Variants in HDX observed in about 807,000 individuals in gnomAD.
HDX encodes the protein highly divergent homeobox, also known as chromosome X open reading frame 43.
Under a neutral mutation model 45.2 loss-of-function variants are expected in HDX, and 19 were observed. The ratio of observed to expected loss-of-function variants is 0.42; its 90% CI spans 0.29 to 0.62. The LOEUF is 0.62. Ranked by LOEUF, HDX falls within the 20% of genes least tolerant of loss-of-function variation. The pLI is 0.20. For synonymous variants in HDX, 188 were observed against 172.8 expected, an observed-to-expected ratio of 1.09 and a Z score of -0.69; for missense variants, 532 against 493.9, an observed-to-expected ratio of 1.08 and a Z score of -0.73.
At chrX:84,497,628 A>G (rs2041029271) in intron 1 of HDX, among the ~76,000 whole-genome samples, 1 of 110,649 alleles carries the variant, frequency 9.0e-6, no homozygotes, top group African/African-American at 3.3e-5. Context: ...AAAGGAAAAT[A>G]TTACAGGTAT....
At chrX:84,469,692 T>A in intron 3 of HDX, 117 bp from the exon 4 acceptor site, 1 of 597,695 alleles carries the variant, frequency 1.7e-6, no homozygotes, top group Non-Finnish European at 2.4e-6. Flanking sequence ...TACATAAAGG[T>A]AAAAGAAAAA....
intron 4 of HDX, among the ~76,000 whole-genome samples, chrX:84,455,275 A>G (rs2040089629): frequency 8.9e-6 from 1 of 112,054 alleles, no homozygotes; most frequent in Non-Finnish European, 1.9e-5. Flanking sequence ...CTTTCACACT[A>G]AGAATTCAAA....
intron 1 of HDX, among the ~76,000 whole-genome samples, chrX:84,494,043 A>C: frequency 9.0e-6 from 1 of 111,466 alleles, no homozygotes. Context: ...AAAAAGTAAA[A>C]AGATCAATTT....
At chrX:84,490,015 T>C (rs1170410804) in intron 1 of HDX, among the ~76,000 whole-genome samples, 1 of 112,272 alleles carries the variant, frequency 8.9e-6, no homozygotes, top group Non-Finnish European at 1.9e-5. Flanking sequence ...CAATTAATTT[T>C]AGTAATTTCC....
chrX:84,418,575 T>C (rs1163015716), intron 5 of HDX, among the ~76,000 whole-genome samples: 1 of 110,723 alleles, frequency 9.0e-6, no homozygotes, highest in African/African-American at 3.3e-5. Flanking sequence ...ACAGATTTGA[T>C]CAGGCAGAAA....
At chrX:84,360,914 C>A (rs187591937) in intron 6 of HDX, among the ~76,000 whole-genome samples, 83 of 111,326 alleles carry the variant, frequency 7.5e-4, no homozygotes, top group Non-Finnish European at 1.4e-3. Flanking sequence ...ATTTTTTATT[C>A]TTTTGAGTAG....
At chrX:84,475,758 C>T (rs1030325533) in intron 2 of HDX, among the ~76,000 whole-genome samples, 1 of 111,798 alleles carries the variant, frequency 8.9e-6, no homozygotes, top group Non-Finnish European at 1.9e-5. Flanking sequence ...GGTAGCCATA[C>T]GTGATCAATT....
intron 4 of HDX, among the ~76,000 whole-genome samples, chrX:84,461,572 A>C (rs1010412682): frequency 9.9e-5 from 11 of 111,236 alleles, no homozygotes; most frequent in Admixed American, 7.7e-4. Flanking sequence ...CTAGAAGAAA[A>C]CTTCGGCAAA....
Position 84,498,821 on chromosome X carries a change from G to GCA in HDX, c.-110+3519_-110+3520dup, listed in dbSNP as rs202067754. On this transcript the variant is annotated intron_variant, in intron 1 of 10. Transcript: ENST00000373177. ...GTAATATGGTGTTTATGGAATGTAT[G>GCA]CACACACACACACACACACACACAC... Among the ~76,000 whole-genome samples the GCA allele has an allele frequency of 3.5e-3, 335 of 94,681 alleles. 1 individual carries two copies. Among genetic ancestry groups the GCA allele is most frequent in the East Asian group, 0.013 (35 of 2,768 alleles). 82.2% of individuals were successfully genotyped at this position (94,681 alleles called of 115,157 possible).
intron 3 of HDX, among the ~76,000 whole-genome samples, chrX:84,474,281 A>G (rs2040505090): frequency 8.9e-6 from 1 of 112,036 alleles, no homozygotes; most frequent in Non-Finnish European, 1.9e-5. Flanking sequence ...GACAAGAGCG[A>G]AACTCCGTTT....
chrX:84,474,380 A>G (rs1310414782), intron 3 of HDX, among the ~76,000 whole-genome samples: 1 of 112,674 alleles, frequency 8.9e-6, no homozygotes, highest in Admixed American at 9.4e-5. Context: ...AGGCGAATAA[A>G]TCTTTTAGTC....
intron 4 of HDX, among the ~76,000 whole-genome samples, chrX:84,464,118 T>C (rs1487384843): frequency 9.0e-6 from 1 of 111,118 alleles, no homozygotes; most frequent in Non-Finnish European, 1.9e-5. Flanking sequence ...TACAGTTTCA[T>C]AGCAAGAATG....
intron 5 of HDX, among the ~76,000 whole-genome samples, chrX:84,396,258 G>A (rs1449224074): frequency 8.9e-6 from 1 of 112,218 alleles, no homozygotes; most frequent in Non-Finnish European, 1.9e-5. Flanking sequence ...GGTTGGGTAG[G>A]CCACTTTGGT....
intron 1 of HDX, among the ~76,000 whole-genome samples, chrX:84,489,075 T>C (rs1277409856): frequency 9.0e-6 from 1 of 111,615 alleles, no homozygotes; most frequent in African/African-American, 3.3e-5. Flanking sequence ...CTGAGAGGTT[T>C]ACTCATGACT....
chrX:84,403,835 G>A (rs1330737954), intron 5 of HDX: 3 of 111,840 alleles, frequency 2.7e-5, no homozygotes, highest in Non-Finnish European at 5.6e-5. Flanking sequence ...TCATAGAAGT[G>A]TTATGTGATA....
chrX:84,322,340 C>A (rs1260141680), intron 10 of HDX, among the ~76,000 whole-genome samples: 1 of 110,825 alleles, frequency 9.0e-6, no homozygotes, highest in East Asian at 2.8e-4. Flanking sequence ...TTTGAGTGTG[C>A]ATTGATCACT....
At chrX:84,346,645 T>C (rs2037213438) in intron 6 of HDX, among the ~76,000 whole-genome samples, 1 of 111,008 alleles carries the variant, frequency 9.0e-6, no homozygotes. Context: ...AAGTGCAGTT[T>C]TTTCAAGAAA....
intron 4 of HDX, among the ~76,000 whole-genome samples, chrX:84,458,093 G>C (rs2040154129): frequency 9.1e-6 from 1 of 109,696 alleles, no homozygotes; most frequent in Non-Finnish European, 1.9e-5. Flanking sequence ...CCTAATACAG[G>C]CCAGAAAATT....
At chrX:84,418,552 T>C (rs2039169354) in intron 5 of HDX, among the ~76,000 whole-genome samples, 1 of 111,363 alleles carries the variant, frequency 9.0e-6, no homozygotes, top group Non-Finnish European at 1.9e-5. Context: ...AATTTCACTA[T>C]TGGGATTTGG....
Sources: allele counts gnomAD v4.1 joint callset (sites outside exome capture counted in the v4.1 genomes callset), GRCh38; gene constraint gnomAD v4.1.1; transcripts MANE v1.5; gene names NCBI Gene and HGNC (gene_info 2026-07-23, HGNC 2026-07-21).